The following TBC1D5 variants were observed in gnomAD, a reference collection of about 807,000 sequenced individuals.
The protein encoded by TBC1D5 is TBC1 domain family member 5, also known as TBC1 domain family, member 5.
In TBC1D5, 75 loss-of-function variants were observed where a neutral mutation model predicts 100.3. The observed-to-expected ratio is 0.75, with a 90% CI of 0.62 to 0.91. The LOEUF is 0.91. Among genes scored for constraint, TBC1D5 ranks in the 40% least tolerant of loss-of-function variants. The pLI is 0.00. For synonymous variants in TBC1D5, 323 were observed against 325.6 expected, an observed-to-expected ratio of 0.99 and a Z score of 0.09; for missense variants, 910 against 942.4, an observed-to-expected ratio of 0.97 and a Z score of 0.45.
intron 3 of TBC1D5, among the ~76,000 whole-genome samples, chr3:17,440,417 G>A (rs2094627061): frequency 6.6e-6 from 1 of 152,120 alleles, no homozygotes; most frequent in Non-Finnish European, 1.5e-5. Context: ...CTTGAGCTCA[G>A]GAGTTTGAGA....
At chr3:17,707,557 G>C (rs1179387207) in intron 1 of TBC1D5, among the ~76,000 whole-genome samples, 1 of 152,074 alleles carries the variant, frequency 6.6e-6, no homozygotes, top group African/African-American at 2.4e-5. Context: ...GAAGAAATCT[G>C]TCATGTTTCT....
intron 3 of TBC1D5, among the ~76,000 whole-genome samples, chr3:17,445,514 A>C (rs2094769374): frequency 6.6e-6 from 1 of 152,174 alleles, no homozygotes; most frequent in African/African-American, 2.4e-5. Context: ...ATTAACCTTC[A>C]GTTTCCATAC....
chr3:17,333,892 G>A (rs1156567098), intron 13 of TBC1D5, among the ~76,000 whole-genome samples: 1 of 151,426 alleles, frequency 6.6e-6, no homozygotes, highest in Admixed American at 6.6e-5. Flanking sequence ...TTACAAGCAT[G>A]AGTAGGGTTT....
intron 16 of TBC1D5, among the ~76,000 whole-genome samples, chr3:17,254,934 G>T (rs1210315453): frequency 6.6e-6 from 1 of 152,162 alleles, no homozygotes; most frequent in Non-Finnish European, 1.5e-5. Context: ...GCATGTGAGT[G>T]TGGGAGTAGA....
intron 2 of TBC1D5, among the ~76,000 whole-genome samples, chr3:17,609,067 T>C (rs191524498): frequency 3.3e-5 from 5 of 152,336 alleles, no homozygotes; most frequent in Admixed American, 1.3e-4. Flanking sequence ...TTTCAGAAGA[T>C]TCCCATGTTT....
intron 13 of TBC1D5, among the ~76,000 whole-genome samples, chr3:17,325,720 A>G (rs943723942): frequency 6.6e-6 from 1 of 152,248 alleles, no homozygotes; most frequent in African/African-American, 2.4e-5. Flanking sequence ...GTAAAACTAT[A>G]CAAGAGGCTG....
At chr3:17,479,458 G>C (rs2095475930) in intron 3 of TBC1D5, among the ~76,000 whole-genome samples, 1 of 152,174 alleles carries the variant, frequency 6.6e-6, no homozygotes, top group Non-Finnish European at 1.5e-5. Flanking sequence ...TTCAAGAAAT[G>C]ATTCAAAACA....
intron 1 of TBC1D5, among the ~76,000 whole-genome samples, chr3:17,643,376 A>C (rs895306871): frequency 3.9e-5 from 6 of 151,934 alleles, no homozygotes. Flanking sequence ...CTCCTCCATA[A>C]AGTTACTATT....
intron 2 of TBC1D5, among the ~76,000 whole-genome samples, chr3:17,516,444 T>C (rs1023578866): frequency 6.6e-6 from 1 of 152,146 alleles, no homozygotes; most frequent in Non-Finnish European, 1.5e-5. Flanking sequence ...GTAGTAGGCA[T>C]AGTTAAAATC....
chr3:17,533,377 T>A (rs1289261541), intron 2 of TBC1D5, among the ~76,000 whole-genome samples: 1 of 152,180 alleles, frequency 6.6e-6, no homozygotes, highest in Non-Finnish European at 1.5e-5. Flanking sequence ...AACTGCCAAC[T>A]ACTGAAGTTC....
intron 1 of TBC1D5, among the ~76,000 whole-genome samples, chr3:17,721,885 G>A (rs1195655101): frequency 6.7e-6 from 1 of 149,904 alleles, no homozygotes; most frequent in Non-Finnish European, 1.5e-5. Flanking sequence ...GGGAGGCTGA[G>A]GTAAAACAAT....
intron 1 of TBC1D5, among the ~76,000 whole-genome samples, chr3:17,712,096 G>C (rs541710050): frequency 6.6e-6 from 1 of 151,570 alleles, no homozygotes; most frequent in African/African-American, 2.4e-5. Context: ...AGCATCACAG[G>C]CTAAAATTAT....
intron 2 of TBC1D5, among the ~76,000 whole-genome samples, chr3:17,531,732 G>A (rs1431575569): frequency 2.0e-5 from 3 of 152,132 alleles, no homozygotes; most frequent in Non-Finnish European, 4.4e-5. Flanking sequence ...CAAGCAATGG[G>A]GAAAGGATTC....
intron 16 of TBC1D5, among the ~76,000 whole-genome samples, chr3:17,254,238 A>G (rs2077428220): frequency 6.6e-6 from 1 of 152,226 alleles, no homozygotes; most frequent in South Asian, 2.1e-4. Flanking sequence ...ACACTTAGAA[A>G]TTAAACTGCT....
chr3:17,227,678 C>T (rs148189136), intron 17 of TBC1D5, among the ~76,000 whole-genome samples: 1 of 151,884 alleles, frequency 6.6e-6, no homozygotes, highest in East Asian at 1.9e-4. Flanking sequence ...AGGAGAACAA[C>T]AGACACTGGG....
intron 1 of TBC1D5, among the ~76,000 whole-genome samples, chr3:17,655,741 C>A (rs1199343848): frequency 1.3e-5 from 2 of 151,898 alleles, no homozygotes; most frequent in African/African-American, 4.8e-5. Flanking sequence ...AAAAAAAATC[C>A]GAATTCCAAA....
chr3:17,481,429 G>A (rs2095500715), intron 3 of TBC1D5, among the ~76,000 whole-genome samples: 1 of 152,186 alleles, frequency 6.6e-6, no homozygotes, highest in South Asian at 2.1e-4. Flanking sequence ...CTGCCACAGA[G>A]GTTTCCAGCT....
chr3:17,438,714 G>C (rs953945007), intron 3 of TBC1D5, among the ~76,000 whole-genome samples: 8 of 152,032 alleles, frequency 5.3e-5, no homozygotes, highest in Admixed American at 2.6e-4. Flanking sequence ...TATATAATTT[G>C]TCCTTCACTC....
intron 4 of TBC1D5, among the ~76,000 whole-genome samples, chr3:17,416,658 C>A (rs1440944891): frequency 6.6e-6 from 1 of 152,178 alleles, no homozygotes; most frequent in East Asian, 1.9e-4. Context: ...ACCAATAAGA[C>A]TATTAGATAT....
Sources: gnomAD v4.1 joint callset for allele counts (sites outside exome capture counted in the v4.1 genomes callset) on GRCh38, gnomAD v4.1.1 for gene constraint, MANE v1.5 for transcripts, NCBI Gene and HGNC (gene_info 2026-07-23, HGNC 2026-07-21) for gene names.